Variants in ZNF420 observed in about 807,000 individuals in gnomAD.
ZNF420 encodes the protein zinc finger protein 420.
ZNF420 carries 31 observed loss-of-function variants against 44.7 expected under a neutral mutation model. The ratio of observed to expected loss-of-function variants is 0.69; its 90% CI spans 0.52 to 0.94. The LOEUF (loss-of-function observed/expected upper bound fraction) is 0.94. Among genes scored for constraint, ZNF420 ranks in the 40% least tolerant of loss-of-function variants. ZNF420 has a pLI of 0.00. For missense variants in ZNF420, 681 were observed against 827.9 expected, an observed-to-expected ratio of 0.82 and a Z score of 2.18; for synonymous variants, 245 against 267.4, an observed-to-expected ratio of 0.92 and a Z score of 0.82.
intron 1 of ZNF420, among the ~76,000 whole-genome samples, chr19:37,021,247 A>C (rs1246315067): frequency 6.6e-6 from 1 of 152,188 alleles, no homozygotes; most frequent in Non-Finnish European, 1.5e-5. Flanking sequence ...GAGTGTGCTA[A>C]TCTTGCAATG....
At chr19:37,026,410 C>T (rs10418067) in intron 1 of ZNF420, among the ~76,000 whole-genome samples, 24,383 of 151,508 alleles carry the variant, frequency 0.16, 2,098 homozygotes, top group African/African-American at 0.23. Context: ...ACCTCCGCCT[C>T]CTGGGTTCAA....
At chr19:37,061,787 A>G (rs187098362) in intron 1 of ZNF420, among the ~76,000 whole-genome samples, 279 of 152,330 alleles carry the variant, frequency 1.8e-3, no homozygotes, top group Non-Finnish European at 3.2e-3. Flanking sequence ...AGGCATCCAC[A>G]TATCCCATAT....
chr19:37,046,307 G>C (rs889220175), intron 1 of ZNF420, among the ~76,000 whole-genome samples: 4 of 152,170 alleles, frequency 2.6e-5, no homozygotes, highest in African/African-American at 9.7e-5. Flanking sequence ...TTATGGCACA[G>C]TAATTCCTCT....
chr19:37,049,344 T>C (rs949969672), intron 1 of ZNF420, among the ~76,000 whole-genome samples: 12 of 152,140 alleles, frequency 7.9e-5, no homozygotes, highest in Non-Finnish European at 1.5e-4. Context: ...AGTGTAAAAG[T>C]GTTCCTATTT....
intron 1 of ZNF420, among the ~76,000 whole-genome samples, chr19:37,071,100 A>G (rs565895313): frequency 5.1e-4 from 78 of 152,340 alleles, no homozygotes; most frequent in Non-Finnish European, 5.6e-4. Flanking sequence ...CTTGCCCTAG[A>G]ACAGCCTCTG....
In ZNF420 at chr19:37,090,879, C is replaced by T. The variant is rs533579057; in HGVS notation, c.10-116C>T. Reference sequence around the variant, plus strand: ...AGGTTGCAGCGTGCCGAGATCGCGCCACTGCACTCCAGCCTGAGCGACAGA... The same window carrying T: ...AGGTTGCAGCGTGCCGAGATCGCGCTACTGCACTCCAGCCTGAGCGACAGA... On this transcript the variant is annotated intron_variant, in intron 3 of 4. Transcript: ENST00000337995. The T allele has an allele frequency of 2.4e-5, 26 of 1,081,894 alleles. No homozygotes were observed. In the South Asian group the frequency reaches 3.8e-4, roughly 16 times the overall value. 67.0% of individuals were successfully genotyped at this position (1,081,894 alleles called of 1,614,324 possible). A position where few individuals can be genotyped will look rare whatever the true frequency, so the allele number is the denominator to read the frequency against.
chr19:37,066,116 A>G (rs533123867), intron 1 of ZNF420, among the ~76,000 whole-genome samples: 1 of 152,358 alleles, frequency 6.6e-6, no homozygotes, highest in East Asian at 1.9e-4. Flanking sequence ...TTTCTTACTC[A>G]TCAAAAGACA....
At chr19:37,011,973 C>T (rs1282911280) in intron 1 of ZNF420, among the ~76,000 whole-genome samples, 1 of 152,202 alleles carries the variant, frequency 6.6e-6, no homozygotes, top group Admixed American at 6.5e-5. Flanking sequence ...GAATTTTCAG[C>T]CGACACCACG....
intron 2 of ZNF420, among the ~76,000 whole-genome samples, chr19:37,081,186 A>C (rs73625250): frequency 0.011 from 1,676 of 152,126 alleles, 33 homozygotes; most frequent in African/African-American, 0.039. Flanking sequence ...CATGTTTTCA[A>C]ATATTTTGAG....
At chr19:37,048,397 C>T (rs1474192753) in intron 1 of ZNF420, among the ~76,000 whole-genome samples, 1 of 152,004 alleles carries the variant, frequency 6.6e-6, no homozygotes, top group Non-Finnish European at 1.5e-5. Flanking sequence ...CATAAGACAA[C>T]CAAAAAGAAA....
chr19:37,031,812 A>G (rs1363512864), intron 1 of ZNF420, among the ~76,000 whole-genome samples: 1 of 152,152 alleles, frequency 6.6e-6, no homozygotes, highest in African/African-American at 2.4e-5. Context: ...TTTCTCTTAC[A>G]TAATTGGAGT....
chr19:37,055,913 C>T (rs1162724492), intron 1 of ZNF420, among the ~76,000 whole-genome samples: 1 of 152,118 alleles, frequency 6.6e-6, no homozygotes, highest in East Asian at 1.9e-4. Context: ...CACATCATCT[C>T]GAGGAAGCGT....
intron 1 of ZNF420, among the ~76,000 whole-genome samples, chr19:37,030,849 T>A (rs1304223156): frequency 6.6e-6 from 1 of 152,188 alleles, no homozygotes; most frequent in Non-Finnish European, 1.5e-5. Flanking sequence ...CCTAGTTTAA[T>A]AAGTCCTCTA....
intron 4 of ZNF420, among the ~76,000 whole-genome samples, chr19:37,106,570 C>G (rs1335735875): frequency 6.6e-6 from 1 of 152,150 alleles, no homozygotes; most frequent in African/African-American, 2.4e-5. Flanking sequence ...AGGCCGAACA[C>G]GGTGGCTCAC....
Position 37,129,085 on chromosome 19 carries a change from G to A in ZNF420, c.*27G>A, listed in dbSNP as rs1183386458. ...TTGTCTGATTATTTGAGATCACTAT[G>A]AAGAGGTTCTCTGGTTGTTAGCAGC... On this transcript the variant is annotated 3_prime_UTR_variant, in exon 5 of 5. Coordinates refer to ENST00000337995, the MANE Select transcript of ZNF420 (RefSeq NM_144689.5). 1.9e-6 allele frequency: 3 copies of A among 1,586,382 alleles called. No homozygotes were observed. In the South Asian group the frequency reaches 3.4e-5, roughly 18 times the overall value.
chr19:37,102,561 C>G (rs1478371445), intron 4 of ZNF420, among the ~76,000 whole-genome samples: 3 of 152,160 alleles, frequency 2.0e-5, no homozygotes, highest in African/African-American at 4.8e-5. Flanking sequence ...GGGAATGGGG[C>G]CATTTTCAAG....
intron 3 of ZNF420, 25 bp from the exon 4 acceptor site, chr19:37,090,970 A>G (rs765689085): frequency 1.3e-6 from 2 of 1,596,272 alleles, no homozygotes; most frequent in Non-Finnish European, 1.7e-6. Flanking sequence ...AATTTCCAAA[A>G]TTAACATTTT....
chr19:37,070,280 A>C (rs1968035759), intron 1 of ZNF420, among the ~76,000 whole-genome samples: 1 of 152,182 alleles, frequency 6.6e-6, no homozygotes, highest in South Asian at 2.1e-4. Flanking sequence ...ATGAATTCTA[A>C]GAGATTTTAT....
Position 37,127,733 on chromosome 19 carries a change from G to A in ZNF420, c.742G>A (p.Glu248Lys). ...CCGACATCAAAAAGTTCATACTGGTGAGAAACCTTATGAATGTAAAGAATG... is the reference window on the plus strand; with the variant it reads ...CCGACATCAAAAAGTTCATACTGGTAAGAAACCTTATGAATGTAAAGAATG... ...LTRHQKVHTGEKPYECKECGK... is the reference protein window; with the variant it reads ...LTRHQKVHTGKKPYECKECGK... Residue 248 changes from glutamate to lysine, a missense_variant, in exon 5 of 5, where the codon GAG becomes AAG. By Grantham distance (56) the Glu-to-Lys change is moderately conservative. Transcript: ENST00000337995. The A allele has an allele frequency of 6.2e-7, 1 of 1,614,004 alleles. No individual in the cohort carries two copies. The highest frequency in any genetic ancestry group is 8.5e-7 in the Non-Finnish European group (1 of 1,179,950).
Sources: gnomAD v4.1 joint callset for allele counts (sites outside exome capture counted in the v4.1 genomes callset) on GRCh38, gnomAD v4.1.1 for gene constraint, MANE v1.5 for transcripts, NCBI Gene and HGNC (gene_info 2026-07-23, HGNC 2026-07-21) for gene names.